Variants in DCAF8 observed in about 807,000 individuals in gnomAD.
The protein encoded by DCAF8 is DDB1 and CUL4 associated factor 8, also known as DDB1- and CUL4-associated factor 8.
In DCAF8, 20 loss-of-function variants were observed where a neutral mutation model predicts 68.0. The observed-to-expected ratio is 0.29, with a 90% CI of 0.21 to 0.43. The LOEUF (loss-of-function observed/expected upper bound fraction) is 0.43. DCAF8 is among the 20% of genes least tolerant of loss of function. The pLI is 1.00. For missense variants in DCAF8, 460 were observed against 771.0 expected (o/e 0.60, Z 4.78); for synonymous variants, 230 against 276.9 (o/e 0.83, Z 1.68).
intron 2 of DCAF8, among the ~76,000 whole-genome samples, chr1:160,244,926 A>C (rs974467716): frequency 2.0e-5 from 3 of 152,168 alleles, no homozygotes; most frequent in African/African-American, 7.2e-5. Flanking sequence ...CTTCAAACTT[A>C]TTAAAGGCAC....
intron 11 of DCAF8, among the ~76,000 whole-genome samples, chr1:160,222,037 A>C (rs1655318497): frequency 6.6e-6 from 1 of 152,152 alleles, no homozygotes; most frequent in Admixed American, 6.5e-5. Flanking sequence ...CGTTCTCCTT[A>C]TATGTACACA....
chr1:160,250,464 C>CAAAAAAAAAAAAAAAAAAA (rs386368471), intron 2 of DCAF8, among the ~76,000 whole-genome samples: 1 of 66,644 alleles, frequency 1.5e-5, no homozygotes, highest in Non-Finnish European at 2.7e-5. Context: ...GAAACTGTCT[C>CAAAAAAAAAAAAAAAAAAA]AAAAAAAAAA....
intron 13 of DCAF8, chr1:160,217,958 C>T (rs1655179383): frequency 3.9e-6 from 2 of 509,420 alleles, no homozygotes; most frequent in Admixed American, 3.6e-5. Flanking sequence ...ACTTTATTTA[C>T]AAAAACCAGC....
At chr1:160,237,942 G>A (rs760695157) in intron 5 of DCAF8, among the ~76,000 whole-genome samples, 2 of 152,158 alleles carry the variant, frequency 1.3e-5, no homozygotes, top group Non-Finnish European at 2.9e-5. Flanking sequence ...CTGAAAATCA[G>A]TTAACTAGTG....
At chr1:160,224,129 G>A (rs903902661) in intron 10 of DCAF8, among the ~76,000 whole-genome samples, 5 of 152,206 alleles carry the variant, frequency 3.3e-5, no homozygotes, top group African/African-American at 1.2e-4. Context: ...ACTAAAGAGG[G>A]CTTTCCCTGA....
At chr1:160,236,244 T>C (rs959976266) in intron 6 of DCAF8, among the ~76,000 whole-genome samples, 5 of 148,468 alleles carry the variant, frequency 3.4e-5, no homozygotes, top group Non-Finnish European at 5.9e-5. Flanking sequence ...TTAAACATTA[T>C]GCTGAGGCAT....
chr1:160,217,810 G>T, intron 13 of DCAF8, 102 bp from the exon 14 acceptor site: 1 of 866,146 alleles, frequency 1.2e-6, no homozygotes, highest in Non-Finnish European at 1.9e-6. Flanking sequence ...GAGATCAGCA[G>T]AATTTTTCTT....
intron 7 of DCAF8, among the ~76,000 whole-genome samples, chr1:160,226,600 G>C (rs1655485678): frequency 1.3e-5 from 2 of 152,170 alleles, no homozygotes; most frequent in Admixed American, 1.3e-4. Flanking sequence ...GACCTTGTTT[G>C]ATGATTATCT....
At chr1:160,241,997 C>T (rs1257411325) in intron 3 of DCAF8, among the ~76,000 whole-genome samples, 2 of 152,168 alleles carry the variant, frequency 1.3e-5, no homozygotes, top group Non-Finnish European at 2.9e-5. Flanking sequence ...AATCCCAGCG[C>T]TTTGGGAGGC....
intron 9 of DCAF8, 24 bp from the exon 10 acceptor site, chr1:160,224,573 G>A: frequency 6.3e-7 from 1 of 1,589,280 alleles, no homozygotes; most frequent in Non-Finnish European, 8.6e-7. Context: ...GAACATAGCA[G>A]TGAAGGCAAA....
At chr1:160,237,702 C>CT (rs200288353) in intron 5 of DCAF8, among the ~76,000 whole-genome samples, 11 of 150,932 alleles carry the variant, frequency 7.3e-5, no homozygotes, top group African/African-American at 1.7e-4. Flanking sequence ...AATTTTTTCG[C>CT]TTTTTTTTTG....
At chr1:160,234,387 A>C (rs528960351) in intron 6 of DCAF8, among the ~76,000 whole-genome samples, 55 of 151,724 alleles carry the variant, frequency 3.6e-4, no homozygotes, top group Middle Eastern at 6.8e-3. Flanking sequence ...GCCTCCTTCT[A>C]CTCTTCATTT....
intron 1 of DCAF8, 194 bp downstream of exon 1, chr1:160,262,255 G>A (rs1026388183): frequency 1.2e-4 from 49 of 398,722 alleles, no homozygotes; most frequent in South Asian, 2.7e-4. Flanking sequence ...GGCGCAGGCC[G>A]AGCCGGAACG....
At chr1:160,250,941 G>A (rs904560723) in intron 2 of DCAF8, among the ~76,000 whole-genome samples, 13 of 151,968 alleles carry the variant, frequency 8.6e-5, no homozygotes, top group Admixed American at 4.6e-4. Context: ...CCTTGAGCCC[G>A]ATCGAAACAT....
Position 160,245,274 on chromosome 1 carries a change from G to T in DCAF8, c.-26-1240C>A, listed in dbSNP as rs115325783. Among the ~76,000 whole-genome samples, 566 of 152,194 alleles carry T rather than the reference G, an allele frequency of 3.7e-3. 2 individuals carry two copies. Among genetic ancestry groups the T allele is most frequent in the Non-Finnish European group, 6.6e-3 (450 of 68,012 alleles). On this transcript the variant is annotated intron_variant, in intron 2 of 13. Transcript: ENST00000368074. ...CCTCCAGTAAATTCCAAAGAGCAAA[G>T]AATAATATTATTCAGACCAGAATTT...
chr1:160,242,642 A>T (rs1002133598), intron 3 of DCAF8, among the ~76,000 whole-genome samples: 3 of 151,988 alleles, frequency 2.0e-5, no homozygotes, highest in Admixed American at 6.6e-5. Flanking sequence ...GGGTTTGCAA[A>T]TTTTTTCTGT....
chr1:160,251,785 T>G (rs1656610793), intron 2 of DCAF8, among the ~76,000 whole-genome samples: 1 of 152,124 alleles, frequency 6.6e-6, no homozygotes, highest in Non-Finnish European at 1.5e-5. Flanking sequence ...TGTTTATTAA[T>G]CAGAGAACCT....
In DCAF8 at chr1:160,227,284, T is replaced by A. The variant is rs575733499; in HGVS notation, c.1071-1621A>T. Among the ~76,000 whole-genome samples, 3 of 152,070 alleles carry A rather than the reference T, an allele frequency of 2.0e-5. No homozygotes were observed. In the East Asian group the frequency reaches 5.8e-4, roughly 29 times the overall value. ...AGGGAAGGAGTAATAATGTCAAGAGTAGAGAAAAAGACTTGAAAAGTACTT... is the reference window on the plus strand; with the variant it reads ...AGGGAAGGAGTAATAATGTCAAGAGAAGAGAAAAAGACTTGAAAAGTACTT... On this transcript the variant is annotated intron_variant, in intron 7 of 13. Coordinates refer to ENST00000368074, the MANE Select transcript of DCAF8 (RefSeq NM_015726.4).
Position 160,216,324 on chromosome 1 carries a change from G to A in DCAF8, c.*1268C>T. 1 of 152,290 alleles carries A rather than the reference G, an allele frequency of 6.6e-6. No individual in the cohort carries two copies. Among genetic ancestry groups the A allele is most frequent in the South Asian group, 2.1e-4 (1 of 4,824 alleles). The allele number at this position is 152,290 out of a possible 1,614,324, so 9.4% of individuals were successfully genotyped here. A position where few individuals can be genotyped will look rare whatever the true frequency, so the allele number is the denominator to read the frequency against. On this transcript the variant is annotated 3_prime_UTR_variant, in exon 14 of 14. Transcript: ENST00000368074. ...GTGTGTATGTATGTGTGTGGTGTGTGTGTACATGTCTTCTGTCACAAAGTA... is the reference window on the plus strand; with the variant it reads ...GTGTGTATGTATGTGTGTGGTGTGTATGTACATGTCTTCTGTCACAAAGTA...
Sources: allele counts gnomAD v4.1 joint callset (sites outside exome capture counted in the v4.1 genomes callset), GRCh38; gene constraint gnomAD v4.1.1; transcripts MANE v1.5; gene names NCBI Gene and HGNC (gene_info 2026-07-23, HGNC 2026-07-21).